Variants in MALT1 observed in about 807,000 individuals in gnomAD.
The protein encoded by MALT1 is mucosa-associated lymphoid tissue lymphoma translocation protein 1.
A neutral mutation model predicts 85.5 loss-of-function variants in MALT1; 36 were observed. That is an observed-to-expected ratio of 0.42 (90% CI 0.32 to 0.56). The LOEUF (loss-of-function observed/expected upper bound fraction) is 0.56. Among genes scored for constraint, MALT1 ranks in the 20% least tolerant of loss-of-function variants. The pLI, the probability that MALT1 is intolerant of heterozygous loss-of-function variation, is 0.10. For synonymous variants in MALT1, 359 were observed against 361.3 expected (o/e 0.99, Z 0.07); for missense variants, 716 against 981.6 (o/e 0.73, Z 3.62).
At chr18:58,673,493 C>T (rs751159509) in intron 1 of MALT1, among the ~76,000 whole-genome samples, 2 of 151,656 alleles carry the variant, frequency 1.3e-5, no homozygotes, top group South Asian at 2.1e-4. Flanking sequence ...CTTGCTCTTT[C>T]GCCCAGGCTG....
chr18:58,683,905 G>C (rs775995515), intron 2 of MALT1, among the ~76,000 whole-genome samples: 1 of 152,126 alleles, frequency 6.6e-6, no homozygotes, highest in Non-Finnish European at 1.5e-5. Flanking sequence ...TTTGTGAGCT[G>C]TAGGGAAATA....
intron 4 of MALT1, among the ~76,000 whole-genome samples, chr18:58,705,291 T>TGC (rs1795380106): frequency 2.1e-5 from 2 of 93,830 alleles, no homozygotes; most frequent in Admixed American, 2.2e-4. Flanking sequence ...TAAAAGTACG[T>TGC]GTGTGTGTGT....
Position 58,744,041 on chromosome 18 carries a change from A to AATTGAGGTCATAT in MALT1, c.1754-296_1754-295insTTGAGGTCATATA, listed in dbSNP as rs150427949. Among the ~76,000 whole-genome samples, 34 of 152,254 alleles carry AATTGAGGTCATAT rather than the reference A, an allele frequency of 2.2e-4. 1 individual carries two copies. The East Asian group carries it at 2.9e-3, about 13-fold the overall frequency. On this transcript the variant is annotated intron_variant, in intron 14 of 16. Coordinates refer to ENST00000649217, the MANE Select transcript of MALT1 (RefSeq NM_006785.4). ...TGTTCAGTGACATTGTGCTTTATTA[A>AATTGAGGTCATAT]AAATTCTGGTCATATAAATTGAGGC...
rs369407960 is a variant in MALT1, at chr18:58,680,645, T to G, written c.210-525T>G. Reference sequence around the variant, plus strand: ...TTTCTCTCACATCCTGTTTCTGGGTTTCTCATTCTCCTGATTTAATAATCA... The same window carrying G: ...TTTCTCTCACATCCTGTTTCTGGGTGTCTCATTCTCCTGATTTAATAATCA... On this transcript the variant is annotated intron_variant, in intron 1 of 16. Coordinates refer to ENST00000649217, the MANE Select transcript of MALT1 (RefSeq NM_006785.4). Among the ~76,000 whole-genome samples the G allele has an allele frequency of 5.9e-5, 9 of 152,318 alleles. No homozygotes were observed. The South Asian group carries it at 1.7e-3, about 28-fold the overall frequency.
At chr18:58,675,668 GA>G (rs1317254077) in intron 1 of MALT1, among the ~76,000 whole-genome samples, 2 of 152,208 alleles carry the variant, frequency 1.3e-5, no homozygotes, top group Non-Finnish European at 2.9e-5. Flanking sequence ...CAGCATGGTC[GA>G]CAGAGAAGAC....
At chr18:58,731,823 G>A (rs182421650) in intron 10 of MALT1, among the ~76,000 whole-genome samples, 1 of 152,112 alleles carries the variant, frequency 6.6e-6, no homozygotes, top group East Asian at 1.9e-4. Flanking sequence ...CTGATCTCCT[G>A]CTTAGAGGTC....
chr18:58,725,237 G>A (rs1010775309), intron 10 of MALT1, among the ~76,000 whole-genome samples: 3 of 152,020 alleles, frequency 2.0e-5, no homozygotes, highest in South Asian at 2.1e-4. Context: ...CACAAGAATC[G>A]CTTGAACCCA....
At chr18:58,744,957 C>G (rs2055347531) in intron 15 of MALT1, among the ~76,000 whole-genome samples, 1 of 152,148 alleles carries the variant, frequency 6.6e-6, no homozygotes, top group African/African-American at 2.4e-5. Context: ...TAGTACCCCT[C>G]TTTCCTACAT....
At chr18:58,735,074 C>T (rs1014296043) in intron 12 of MALT1, 128 bp from the exon 13 acceptor site, 24 of 697,418 alleles carry the variant, frequency 3.4e-5, no homozygotes, top group Non-Finnish European at 5.1e-5. Flanking sequence ...CACCCCCCCC[C>T]AGCCTCTGGT....
rs1490207178 is a variant in MALT1 at position 58,747,347 on chromosome 18, AGATT to A, written c.2038-54_2038-51del. 4 of 1,092,606 alleles carry A rather than the reference AGATT, an allele frequency of 3.7e-6. No homozygotes were observed. The African/African-American group carries it at 4.7e-5, about 13-fold the overall frequency. The allele number at this position is 1,092,606 out of a possible 1,614,324, so 67.7% of individuals were successfully genotyped here. On this transcript the variant is annotated intron_variant, in intron 16 of 16. Transcript: ENST00000649217. Reference sequence around the variant, plus strand: ...GGGGTGTGTATGTGTGAATATTTTCAGATTGATATATATTCACTGTTGATGCCAA... The same window carrying A: ...GGGGTGTGTATGTGTGAATATTTTCAGATATATATTCACTGTTGATGCCAA...
At position 58,671,523 on chromosome 18, in the gene MALT1, G is replaced by T; in HGVS notation, c.-121G>T. 1.7e-6 allele frequency: 1 copy of T among 571,924 alleles called. No individual in the cohort carries two copies. The highest frequency in any genetic ancestry group is 2.5e-6 in the Non-Finnish European group (1 of 393,432). The allele number at this position is 571,924 out of a possible 1,614,324, so 35.4% of individuals were successfully genotyped here. On this transcript the variant is annotated 5_prime_UTR_variant, in exon 1 of 17. Transcript: ENST00000649217. ...CCTCCTCTGAGGGCCGTGCCGCGCTGCCAGATTTGTTCTTCCGCCCCTGCC... is the reference window on the plus strand; with the variant it reads ...CCTCCTCTGAGGGCCGTGCCGCGCTTCCAGATTTGTTCTTCCGCCCCTGCC...
intron 3 of MALT1, among the ~76,000 whole-genome samples, chr18:58,698,757 G>A (rs2054630325): frequency 6.6e-6 from 1 of 152,180 alleles, no homozygotes; most frequent in Non-Finnish European, 1.5e-5. Flanking sequence ...TAATTTAGTA[G>A]GGAAAGGCAG....
rs2055201151 is a variant in MALT1 at position 58,734,698 on chromosome 18, T to G, written c.1475+317T>G. On this transcript the variant is annotated intron_variant, in intron 12 of 16. Coordinates refer to ENST00000649217, the MANE Select transcript of MALT1 (RefSeq NM_006785.4). ...GTAGAAAATTTTAAATGATCGACTTTAGCATTCCATATCATGGTATCTTAA... is the reference window on the plus strand; with the variant it reads ...GTAGAAAATTTTAAATGATCGACTTGAGCATTCCATATCATGGTATCTTAA... 3.8e-5 allele frequency: 10 copies of G among 264,676 alleles called. No homozygotes were observed. The South Asian group carries it at 8.4e-4, about 22-fold the overall frequency. The allele number at this position is 264,676 out of a possible 1,614,324, so 16.4% of individuals were successfully genotyped here.
At chr18:58,686,068 C>T (rs1256133475) in intron 2 of MALT1, among the ~76,000 whole-genome samples, 1 of 152,112 alleles carries the variant, frequency 6.6e-6, no homozygotes, top group Admixed American at 6.6e-5. Context: ...CACTCTGTCA[C>T]CCAGGCTGGA....
intron 2 of MALT1, 101 bp from the exon 3 acceptor site, chr18:58,696,265 C>G: frequency 1.1e-6 from 1 of 934,754 alleles, no homozygotes; most frequent in Non-Finnish European, 1.5e-6. Context: ...GATAAATATG[C>G]AAGTTATTTC....
At chr18:58,677,264 A>G (rs573658200) in intron 1 of MALT1, among the ~76,000 whole-genome samples, 2 of 151,014 alleles carry the variant, frequency 1.3e-5, no homozygotes, top group South Asian at 2.1e-4. Context: ...CTGTACTTCA[A>G]TTTGATCTTT....
chr18:58,704,315 G>A (rs1210585373), intron 4 of MALT1, among the ~76,000 whole-genome samples: 2 of 152,032 alleles, frequency 1.3e-5, no homozygotes, highest in Admixed American at 1.3e-4. Context: ...CAGGTTACTC[G>A]CCCCATATCT....
chr18:58,688,963 G>A (rs1258051533), intron 2 of MALT1, among the ~76,000 whole-genome samples: 1 of 152,018 alleles, frequency 6.6e-6, no homozygotes, highest in Non-Finnish European at 1.5e-5. Flanking sequence ...ACCAGCCTGG[G>A]CAACATGGCA....
intron 2 of MALT1, among the ~76,000 whole-genome samples, chr18:58,684,989 C>T (rs1429685251): frequency 6.6e-6 from 1 of 152,040 alleles, no homozygotes; most frequent in African/African-American, 2.4e-5. Context: ...ATAAAACAAT[C>T]GTTTCCACCT....
Sources: gnomAD v4.1 joint callset for allele counts (sites outside exome capture counted in the v4.1 genomes callset) on GRCh38, gnomAD v4.1.1 for gene constraint, MANE v1.5 for transcripts, NCBI Gene and HGNC (gene_info 2026-07-23, HGNC 2026-07-21) for gene names.